Variants in FREM1 observed in about 807,000 individuals in gnomAD.
FREM1 encodes FRAS1 related extracellular matrix 1.
FREM1 carries 220 observed loss-of-function variants against 210.1 expected under a neutral mutation model. That is an observed-to-expected ratio of 1.05 (90% CI 0.94 to 1.17). FREM1 has a LOEUF of 1.17. Ranked by LOEUF, FREM1 falls within the 50% of genes most tolerant of loss-of-function variation. The probability of loss-of-function intolerance (pLI) is 0.00; values close to 1 mark genes in which losing one functional copy is unlikely to be tolerated. For synonymous variants in FREM1, 1,189 were observed against 980.2 expected, an observed-to-expected ratio of 1.21 and a Z score of -3.98; for missense variants, 3,454 against 2,675.5, an observed-to-expected ratio of 1.29 and a Z score of -6.42.
intron 31 of FREM1, 149 bp from the exon 32 acceptor site, chr9:14,747,877 T>G: frequency 1.9e-6 from 1 of 522,526 alleles, no homozygotes; most frequent in Non-Finnish European, 3.4e-6. Flanking sequence ...ATCATTGGAA[T>G]TTCAAAAATC....
chr9:14,795,665 G>C (rs1309976713), intron 21 of FREM1, among the ~76,000 whole-genome samples: 3 of 152,158 alleles, frequency 2.0e-5, no homozygotes, highest in Non-Finnish European at 2.9e-5. Context: ...ACAAGAGCAT[G>C]GCCTTTGGAG....
chr9:14,796,922 A>C (rs185109703), intron 21 of FREM1, among the ~76,000 whole-genome samples: 30 of 152,332 alleles, frequency 2.0e-4, no homozygotes, highest in Admixed American at 6.5e-4. Flanking sequence ...GAAAGTTTAC[A>C]ATTGAATAAT....
chr9:14,901,207 T>C (rs1366571314), intron 1 of FREM1, among the ~76,000 whole-genome samples: 3 of 152,224 alleles, frequency 2.0e-5, no homozygotes, highest in African/African-American at 4.8e-5. Context: ...AACCATAAAA[T>C]GCAAAATCAT....
chr9:14,801,502 C>T (rs1588067971), intron 20 of FREM1, 150 bp downstream of exon 20: 1 of 611,598 alleles, frequency 1.6e-6, no homozygotes, highest in Non-Finnish European at 2.9e-6. Flanking sequence ...CTTTAACCAA[C>T]ATCTCCCCAA....
intron 5 of FREM1, among the ~76,000 whole-genome samples, chr9:14,854,284 G>GA (rs1188350385): frequency 6.6e-6 from 1 of 152,002 alleles, no homozygotes; most frequent in Non-Finnish European, 1.5e-5. Flanking sequence ...AAACATGATA[G>GA]AAAAAAGTGT....
At chr9:14,833,420 G>C (rs1038497687) in intron 10 of FREM1, among the ~76,000 whole-genome samples, 3 of 152,192 alleles carry the variant, frequency 2.0e-5, no homozygotes, top group Non-Finnish European at 2.9e-5. Context: ...CCCAGGGATG[G>C]TCGAGGAGAG....
At chr9:14,774,600 A>G (rs1342310960) in intron 25 of FREM1, among the ~76,000 whole-genome samples, 1 of 150,732 alleles carries the variant, frequency 6.6e-6, no homozygotes, top group Admixed American at 6.6e-5. Context: ...ACTAGTCAGA[A>G]AGTATTCTGA....
intron 27 of FREM1, among the ~76,000 whole-genome samples, chr9:14,763,727 C>G (rs1008030818): frequency 6.6e-6 from 1 of 152,180 alleles, no homozygotes; most frequent in African/African-American, 2.4e-5. Context: ...ACTTGCTGAT[C>G]CCCCTGCTCC....
chr9:14,857,683 A>G lies in FREM1; in HGVS notation c.698T>C (p.Leu233Pro). ...CTPGLKKIGS[L>P]KVSCEEFLLM... ...CAGGAACTCCTCACAGCTCACTTTG[A>G]GGCTTCCTATTTTCTTTAATCCTGG... The change falls in exon 5 of 37, where the codon CTC (leucine) becomes CCC (proline). Residue 233 changes from leucine to proline, a missense_variant. Physicochemically the swap from Leu to Pro is moderately conservative, Grantham distance 98. Transcript: ENST00000380880. 6.2e-7 allele frequency: 1 copy of G among 1,613,882 alleles called. No individual in the cohort carries two copies. Among genetic ancestry groups the G allele is most frequent in the Non-Finnish European group, 8.5e-7 (1 of 1,179,810 alleles).
chr9:14,875,093 C>T (rs1450423576), intron 1 of FREM1, among the ~76,000 whole-genome samples: 1 of 152,120 alleles, frequency 6.6e-6, no homozygotes, highest in Non-Finnish European at 1.5e-5. Flanking sequence ...CTCTGGCTGC[C>T]CTTAACATTT....
At chr9:14,776,230 C>T in intron 24 of FREM1, 27 bp from the exon 25 acceptor site, 2 of 1,507,838 alleles carry the variant, frequency 1.3e-6, no homozygotes, top group East Asian at 2.3e-5. Flanking sequence ...AGGCAGCCTT[C>T]AGCATGGATT....
chr9:14,848,642 C>T (rs1827114985), intron 7 of FREM1, 23 bp downstream of exon 7: 1 of 1,404,164 alleles, frequency 7.1e-7, no homozygotes, highest in Non-Finnish European at 1.0e-6. Context: ...CTATGTTGCT[C>T]TATGCCTTAT....
intron 1 of FREM1, among the ~76,000 whole-genome samples, chr9:14,891,445 T>C (rs1265196342): frequency 6.6e-6 from 1 of 152,128 alleles, no homozygotes; most frequent in Non-Finnish European, 1.5e-5. Context: ...CAGGCAGTAA[T>C]GCCAAGCACA....
At position 14,825,547 on chromosome 9, in the gene FREM1, G is replaced by GTGTGTATATA; in HGVS notation, c.1882-556_1882-555insTATATACACA. On this transcript the variant is annotated intron_variant, in intron 10 of 36. Transcript: ENST00000380880. ...CATATATATATATATGTGTGTGTGTGTATATATATATATATATATATATAC... is the reference window on the plus strand; with the variant it reads ...CATATATATATATATGTGTGTGTGTGTGTGTATATATATATATATATATATATATATATAC... Among the ~76,000 whole-genome samples the GTGTGTATATA allele has an allele frequency of 1.9e-3, 148 of 75,906 alleles. 1 individual carries two copies. Among genetic ancestry groups the GTGTGTATATA allele is most frequent in the Non-Finnish European group, 2.5e-3 (103 of 40,626 alleles). 49.8% of individuals were successfully genotyped at this position (75,906 alleles called of 152,430 possible). A position where few individuals can be genotyped will look rare whatever the true frequency, so the allele number is the denominator to read the frequency against.
At chr9:14,807,884 C>G in intron 17 of FREM1, 56 bp downstream of exon 17, 5 of 1,192,586 alleles carry the variant, frequency 4.2e-6, no homozygotes, top group Non-Finnish European at 6.0e-6. Context: ...TTCACTGAAC[C>G]ACAGGTATGA....
chr9:14,864,351 T>G (rs1435578582), intron 2 of FREM1, among the ~76,000 whole-genome samples: 1 of 152,208 alleles, frequency 6.6e-6, no homozygotes, highest in Non-Finnish European at 1.5e-5. Flanking sequence ...TGTATATCTG[T>G]GTTCTCCTTT....
At chr9:14,784,737 T>A in intron 23 of FREM1, 103 bp from the exon 24 acceptor site, 2 of 725,308 alleles carry the variant, frequency 2.8e-6, no homozygotes, top group Non-Finnish European at 4.1e-6. Flanking sequence ...AAATCAAAAT[T>A]AATACGACAT....
At chr9:14,792,649 A>C (rs2133076577) in intron 22 of FREM1, 94 bp downstream of exon 22, 2 of 961,072 alleles carry the variant, frequency 2.1e-6, no homozygotes, top group East Asian at 5.4e-5. Flanking sequence ...ATATATGTCT[A>C]TCAGAGAATA....
chr9:14,801,912 A>G, intron 19 of FREM1, 38 bp from the exon 20 acceptor site: 1 of 1,443,744 alleles, frequency 6.9e-7, no homozygotes, highest in Non-Finnish European at 9.5e-7. Context: ...ACAATGCATA[A>G]AAGACAACTT....
Sources: allele counts gnomAD v4.1 joint callset (sites outside exome capture counted in the v4.1 genomes callset), GRCh38; gene constraint gnomAD v4.1.1; transcripts MANE v1.5; gene names NCBI Gene and HGNC (gene_info 2026-07-23, HGNC 2026-07-21).